NSMCE4A: variants seen among roughly 807,000 people sequenced by gnomAD.
The protein encoded by NSMCE4A is NSE4A component of SMC5/6 complex, also known as non-structural maintenance of chromosomes element 4 homolog A.
NSMCE4A carries 40 observed loss-of-function variants against 47.9 expected under a neutral mutation model. The observed-to-expected ratio is 0.83, with a 90% CI of 0.65 to 1.09. The LOEUF (loss-of-function observed/expected upper bound fraction) is 1.09. Ranked by LOEUF, NSMCE4A falls within the 50% of genes least tolerant of loss-of-function variation. The pLI is 0.00. For missense variants in NSMCE4A, 500 were observed against 507.0 expected (o/e 0.99, Z 0.13); for synonymous variants, 166 against 178.5 (o/e 0.93, Z 0.56).
At position 121,967,749 on chromosome 10, in the gene NSMCE4A, T is replaced by C. The variant is rs2134765163; in HGVS notation, c.559A>G (p.Ser187Gly). 1 of 1,614,168 alleles carries C rather than the reference T, an allele frequency of 6.2e-7. No homozygotes were observed. The highest frequency in any genetic ancestry group is 8.5e-7 in the Non-Finnish European group (1 of 1,180,004). ...TAGACTATGAATTCAAAATCAGGAC[T>C]ATCTTCATCACGGATGAGTTCTTCA... ...EAEELIRDED[S>G]PDFEFIVYDS... is the part of the protein sequence containing the mutation. Residue 187 changes from serine (S) to glycine (G), a missense_variant, in exon 4 of 11, where the codon AGT becomes GGT. Transcript: ENST00000369023.
Position 121,974,076 on chromosome 10 carries a change from G to A in NSMCE4A, c.298C>T (p.Arg100Cys). 2 of 1,600,580 alleles carry A rather than the reference G, an allele frequency of 1.2e-6. No individual in the cohort carries two copies. The highest frequency in any genetic ancestry group is 1.7e-6 in the Non-Finnish European group (2 of 1,171,370). The change falls in exon 2 of 11, where the codon CGT (arginine) becomes TGT (cysteine). Residue 100 changes from arginine (R) to cysteine (C), a missense_variant. Physicochemically the swap from Arg to Cys is radical, Grantham distance 180 (BLOSUM62 -3). Transcript: ENST00000369023. ...TCACCGGCATTCAGTATGTCCTCAC[G>A]GTTTTCTATTTTTAAAAATACAAAC... ...RALINSVQQNREDILNAGDKL... is the reference protein window; with the variant it reads ...RALINSVQQNCEDILNAGDKL...
intron 1 of NSMCE4A, 96 bp downstream of exon 1, chr10:121,974,778 G>A: frequency 1.7e-6 from 2 of 1,192,522 alleles, no homozygotes. Flanking sequence ...CCGGGCCTCC[G>A]CCCGGCACCT....
intron 1 of NSMCE4A, 34 bp downstream of exon 1, chr10:121,974,840 T>A (rs1952787200): frequency 1.1e-5 from 15 of 1,404,400 alleles, no homozygotes; most frequent in African/African-American, 1.5e-5. Flanking sequence ...CAGCGGCCCG[T>A]CCGGGCCCGC....
In NSMCE4A at chr10:121,963,266, T is replaced by C. The variant is rs935140490; in HGVS notation, c.816A>G (p.Gly272=). 2 of 1,611,494 alleles carry C rather than the reference T, an allele frequency of 1.2e-6. No homozygotes were observed. The highest frequency in any genetic ancestry group is 1.7e-6 in the Non-Finnish European group (2 of 1,177,970). The change falls in exon 6 of 11, where the codon GGA becomes GGG. Residue 272 remains glycine, a synonymous_variant. Coordinates refer to ENST00000369023, the MANE Select transcript of NSMCE4A (RefSeq NM_017615.3). ...CTTCTCGAAAATATGTCTGCAACAA[T>C]CCCAAGATTCTTTCTACTTCTTTCT... ...ATEKEVERIL[G]LLQTYFREDP...
At chr10:121,972,576 T>C (rs1251386347) in intron 2 of NSMCE4A, among the ~76,000 whole-genome samples, 1 of 152,136 alleles carries the variant, frequency 6.6e-6, no homozygotes, top group Non-Finnish European at 1.5e-5. Context: ...AAATATTGCT[T>C]TAAATACTGG....
chr10:121,961,159 AC>A (rs1952490502), intron 7 of NSMCE4A, among the ~76,000 whole-genome samples: 1 of 152,238 alleles, frequency 6.6e-6, no homozygotes, highest in Non-Finnish European at 1.5e-5. Context: ...TAACATTTAT[AC>A]CATACTGTTA....
rs1332940980 is a variant in NSMCE4A at position 121,974,974 on chromosome 10, C to G, written c.192G>C (p.Gly64=). ...SLEDTEPSDS[G]DEMMDPASLE... ...AGCTGGCCGGGTCCATCATCTCGTC[C>G]CCGGAATCCGACGGCTCTGTGTCCT... Residue 64 remains glycine (G), a synonymous_variant, in exon 1 of 11, where the codon GGG becomes GGC. Transcript: ENST00000369023. 5 of 1,526,892 alleles carry G rather than the reference C, an allele frequency of 3.3e-6. No individual in the cohort carries two copies. The Admixed American group carries it at 6.1e-5, about 19-fold the overall frequency. 94.6% of individuals were successfully genotyped at this position (1,526,892 alleles called of 1,614,324 possible).
At chr10:121,970,849 G>GA in intron 3 of NSMCE4A, 90 bp downstream of exon 3, 1 of 1,156,234 alleles carries the variant, frequency 8.6e-7, no homozygotes, top group Non-Finnish European at 1.2e-6. Context: ...AGAATGAAGT[G>GA]AAATCATCTG....
intron 6 of NSMCE4A, among the ~76,000 whole-genome samples, chr10:121,962,374 G>A (rs1244356429): frequency 5.3e-5 from 8 of 150,372 alleles, no homozygotes; most frequent in African/African-American, 1.2e-4. Flanking sequence ...AGCCAAGATC[G>A]CGCCACTGCA....
intron 3 of NSMCE4A, among the ~76,000 whole-genome samples, chr10:121,969,451 T>C (rs1952665312): frequency 6.8e-6 from 1 of 146,802 alleles, no homozygotes; most frequent in Admixed American, 6.9e-5. Flanking sequence ...TTGACCTCTA[T>C]ATTACAGTGC....
intron 2 of NSMCE4A, among the ~76,000 whole-genome samples, chr10:121,973,128 C>T (rs916127270): frequency 5.3e-5 from 8 of 151,500 alleles, no homozygotes; most frequent in African/African-American, 9.7e-5. Flanking sequence ...CCCAGCTACT[C>T]GGGACGCTGA....
intron 1 of NSMCE4A, chr10:121,974,665 C>A (rs1188761340): frequency 1.8e-6 from 2 of 1,094,614 alleles, no homozygotes; most frequent in Non-Finnish European, 2.2e-6. Flanking sequence ...CTCGGGGACC[C>A]GCGCCAAGGT....
chr10:121,968,752 C>A (rs1418026657), intron 3 of NSMCE4A, among the ~76,000 whole-genome samples: 4 of 151,998 alleles, frequency 2.6e-5, no homozygotes, highest in Middle Eastern at 3.2e-3. Context: ...GGAGCTTAAC[C>A]CTATTAAAGG....
rs748731387 is a variant in NSMCE4A at position 121,963,359 on chromosome 10, C to T, written c.754-31G>A. ...AAAAGTCATTATCAAGCTGACAGAC[C>T]TACTTACTGGCCTATTAACGTTTTC... On this transcript the variant is annotated intron_variant, in intron 5 of 10. Transcript: ENST00000369023. The T allele has an allele frequency of 1.5e-5, 19 of 1,287,374 alleles. No homozygotes were observed. In the South Asian group the frequency reaches 2.1e-4, roughly 15 times the overall value. 79.7% of individuals were successfully genotyped at this position (1,287,374 alleles called of 1,614,324 possible).
At chr10:121,974,587 C>T in intron 1 of NSMCE4A, 1 of 1,041,468 alleles carries the variant, frequency 9.6e-7, no homozygotes, top group Non-Finnish European at 1.2e-6. Context: ...TCCTGCCTCT[C>T]CCCACTGGCT....
intron 1 of NSMCE4A, chr10:121,974,293 A>G (rs1295626430): frequency 1.4e-6 from 2 of 1,380,614 alleles, no homozygotes; most frequent in African/African-American, 2.9e-5. Context: ...AGGAAACCCT[A>G]GCTCCCTCTA....
intron 6 of NSMCE4A, among the ~76,000 whole-genome samples, 194 bp downstream of exon 6, chr10:121,963,044 A>G (rs1323091904): frequency 6.6e-6 from 1 of 152,222 alleles, no homozygotes; most frequent in African/African-American, 2.4e-5. Context: ...AAAAATCCCC[A>G]TCTTTTAAAG....
chr10:121,959,847 CTA>C, intron 8 of NSMCE4A: 2 of 516,366 alleles, frequency 3.9e-6, no homozygotes, highest in Non-Finnish European at 6.9e-6. Context: ...ATCTGCATAT[CTA>C]TGTGTCAACC....
chr10:121,973,858 G>A, intron 2 of NSMCE4A, 146 bp downstream of exon 2: 1 of 613,508 alleles, frequency 1.6e-6, no homozygotes, highest in Non-Finnish European at 2.9e-6. Context: ...AATAAAAATG[G>A]CATTATTGCT....
Sources: gnomAD v4.1 joint callset for allele counts (sites outside exome capture counted in the v4.1 genomes callset) on GRCh38, gnomAD v4.1.1 for gene constraint, MANE v1.5 for transcripts, NCBI Gene and HGNC (gene_info 2026-07-23, HGNC 2026-07-21) for gene names.